CNTN5: variants seen among roughly 807,000 people sequenced by gnomAD.
CNTN5 encodes the protein contactin-5.
Under a neutral mutation model 129.1 loss-of-function variants are expected in CNTN5, and 77 were observed. The observed-to-expected ratio is 0.60, with a 90% CI of 0.50 to 0.72. The LOEUF is 0.72. Ranked by LOEUF, CNTN5 falls within the 30% of genes least tolerant of loss-of-function variation. The pLI is 0.00. For synonymous variants in CNTN5, 509 were observed against 465.6 expected, an observed-to-expected ratio of 1.09 and a Z score of -1.20; for missense variants, 1,478 against 1,328.8, an observed-to-expected ratio of 1.11 and a Z score of -1.75.
intron 2 of CNTN5, among the ~76,000 whole-genome samples, chr11:99,466,094 G>C (rs1390724578): frequency 2.0e-5 from 3 of 152,066 alleles, no homozygotes; most frequent in Non-Finnish European, 4.4e-5. Flanking sequence ...GTGTTAGCCA[G>C]GATGGCCTCG....
intron 13 of CNTN5, among the ~76,000 whole-genome samples, chr11:100,089,521 C>G (rs993459530): frequency 2.6e-5 from 4 of 151,994 alleles, no homozygotes; most frequent in African/African-American, 9.7e-5. Context: ...GACCTACAAC[C>G]AAAAATACCA....
chr11:99,455,918 T>G (rs1944480848), intron 2 of CNTN5, among the ~76,000 whole-genome samples: 2 of 152,160 alleles, frequency 1.3e-5, no homozygotes, highest in African/African-American at 4.8e-5. Context: ...CCCAGTATCT[T>G]TTACTTTTAT....
intron 1 of CNTN5, among the ~76,000 whole-genome samples, chr11:99,122,601 C>G (rs538112305): frequency 2.0e-5 from 3 of 152,078 alleles, no homozygotes; most frequent in African/African-American, 7.2e-5. Flanking sequence ...TATAAGTAAA[C>G]TACCTGTCAC....
intron 3 of CNTN5, among the ~76,000 whole-genome samples, chr11:99,767,871 T>C (rs1020369010): frequency 1.3e-5 from 2 of 152,010 alleles, no homozygotes; most frequent in African/African-American, 2.4e-5. Context: ...ATTTCTCCTA[T>C]GTTTTTTATT....
chr11:99,748,399 C>T (rs540572183), intron 3 of CNTN5, among the ~76,000 whole-genome samples: 15 of 147,216 alleles, frequency 1.0e-4, no homozygotes, highest in African/African-American at 3.8e-4. Flanking sequence ...AGTCAGTCTC[C>T]AGCAGAACAA....
At chr11:99,362,503 T>C (rs1939180700) in intron 2 of CNTN5, among the ~76,000 whole-genome samples, 1 of 151,488 alleles carries the variant, frequency 6.6e-6, no homozygotes, top group Admixed American at 6.6e-5. Flanking sequence ...AATTTATCTA[T>C]TTTTTTTAGT....
intron 1 of CNTN5, among the ~76,000 whole-genome samples, chr11:99,275,238 A>C (rs1863371845): frequency 6.6e-6 from 1 of 151,316 alleles, no homozygotes; most frequent in Non-Finnish European, 1.5e-5. Flanking sequence ...TTTTCATCTT[A>C]GTGCTTGCTA....
At chr11:99,547,436 T>C (rs1948336534) in intron 2 of CNTN5, among the ~76,000 whole-genome samples, 1 of 152,220 alleles carries the variant, frequency 6.6e-6, no homozygotes. Flanking sequence ...TTCTGTTTTA[T>C]AGGAAATGTA....
At chr11:99,572,176 A>G (rs575496246) in intron 3 of CNTN5, among the ~76,000 whole-genome samples, 2 of 152,350 alleles carry the variant, frequency 1.3e-5, no homozygotes, top group African/African-American at 4.8e-5. Flanking sequence ...GGAATGTTCA[A>G]TCCTTTGGCT....
At chr11:99,981,890 A>T (rs1386445546) in intron 8 of CNTN5, among the ~76,000 whole-genome samples, 1 of 152,244 alleles carries the variant, frequency 6.6e-6, no homozygotes. Context: ...TAAGTGTGAG[A>T]TGAGGCTCTA....
intron 16 of CNTN5, among the ~76,000 whole-genome samples, chr11:100,254,413 T>C (rs953634775): frequency 6.6e-6 from 1 of 152,186 alleles, no homozygotes; most frequent in Non-Finnish European, 1.5e-5. Flanking sequence ...CTTTAATTAT[T>C]TTGCTTCCTT....
intron 1 of CNTN5, among the ~76,000 whole-genome samples, chr11:99,157,544 T>G (rs946127539): frequency 6.6e-6 from 1 of 152,068 alleles, no homozygotes; most frequent in African/African-American, 2.4e-5. Flanking sequence ...TTAGAACAAG[T>G]GCAAATATAT....
At chr11:99,593,730 T>C (rs1217935972) in intron 3 of CNTN5, among the ~76,000 whole-genome samples, 1 of 152,246 alleles carries the variant, frequency 6.6e-6, no homozygotes, top group African/African-American at 2.4e-5. Flanking sequence ...GCTATTCCTG[T>C]ATTATTGTTT....
intron 6 of CNTN5, among the ~76,000 whole-genome samples, chr11:99,869,748 A>C (rs1565623438): frequency 6.6e-6 from 1 of 152,168 alleles, no homozygotes. Flanking sequence ...ACTGTATGAC[A>C]TGTTGCTTTT....
intron 8 of CNTN5, among the ~76,000 whole-genome samples, chr11:99,976,586 C>A (rs1937988637): frequency 6.6e-6 from 1 of 152,304 alleles, no homozygotes; most frequent in South Asian, 2.1e-4. Flanking sequence ...ACGTGGAAAC[C>A]ACCAAGGCTT....
chr11:99,536,740 C>G (rs1248801303), intron 2 of CNTN5, among the ~76,000 whole-genome samples: 6 of 151,322 alleles, frequency 4.0e-5, no homozygotes, highest in African/African-American at 1.5e-4. Context: ...AATATTATTA[C>G]TAACTCTGTT....
chr11:100,054,735 C>A (rs1407689535), intron 9 of CNTN5, among the ~76,000 whole-genome samples: 2 of 151,504 alleles, frequency 1.3e-5, no homozygotes, highest in African/African-American at 2.4e-5. Context: ...TAAGATAATG[C>A]TAGAAGGCAT....
chr11:99,924,434 G>A (rs1453176886), intron 7 of CNTN5, among the ~76,000 whole-genome samples: 1 of 152,106 alleles, frequency 6.6e-6, no homozygotes, highest in Admixed American at 6.5e-5. Flanking sequence ...ATCAGAGATA[G>A]GGATCCAACT....
chr11:99,330,356 G>A (rs1865951757), intron 2 of CNTN5, among the ~76,000 whole-genome samples: 1 of 151,962 alleles, frequency 6.6e-6, no homozygotes, highest in Non-Finnish European at 1.5e-5. Context: ...GCATTCTCGG[G>A]CTCTTGTGGG....
Sources: allele counts gnomAD v4.1 joint callset (sites outside exome capture counted in the v4.1 genomes callset), GRCh38; gene constraint gnomAD v4.1.1; transcripts MANE v1.5; gene names NCBI Gene and HGNC (gene_info 2026-07-23, HGNC 2026-07-21).